The following EML6 variants were observed in gnomAD, a reference collection of about 807,000 sequenced individuals.
EML6 encodes echinoderm microtubule-associated protein-like 6.
A neutral mutation model predicts 240.1 loss-of-function variants in EML6; 154 were observed. The observed-to-expected ratio is 0.64, with a 90% CI of 0.56 to 0.73. The LOEUF (loss-of-function observed/expected upper bound fraction) is 0.73. Among genes scored for constraint, EML6 ranks in the 30% least tolerant of loss-of-function variants. The pLI, the probability that EML6 is intolerant of heterozygous loss-of-function variation, is 0.00. For synonymous variants in EML6, 1,148 were observed against 899.0 expected, an observed-to-expected ratio of 1.28 and a Z score of -4.95; for missense variants, 2,964 against 2,474.6, an observed-to-expected ratio of 1.20 and a Z score of -4.20.
chr2:54,961,184 G>GTTGTTTTTTTTTTTTTTTTTGTTTT, intron 35 of EML6, among the ~76,000 whole-genome samples: 4 of 55,424 alleles, frequency 7.2e-5, no homozygotes, highest in South Asian at 6.9e-4. Flanking sequence ...TCAGGAAGTA[G>GTTGTTTTTTTTTTTTTTTTTGTTTT]TTTTTTTTTT....
intron 24 of EML6, among the ~76,000 whole-genome samples, chr2:54,904,957 C>T (rs970688869): frequency 6.6e-6 from 1 of 152,154 alleles, no homozygotes; most frequent in African/African-American, 2.4e-5. Context: ...GACTTTATTT[C>T]AGCTTTACAA....
intron 5 of EML6, among the ~76,000 whole-genome samples, chr2:54,827,182 T>C (rs574748230): frequency 7.2e-4 from 109 of 152,330 alleles, no homozygotes; most frequent in African/African-American, 2.5e-3. Context: ...TTTATACTTA[T>C]CTGTGTTTCT....
intron 16 of EML6, among the ~76,000 whole-genome samples, chr2:54,876,062 C>G (rs896363752): frequency 2.0e-5 from 3 of 152,046 alleles, no homozygotes; most frequent in Admixed American, 6.6e-5. Flanking sequence ...CATTAAATGC[C>G]TTCATATTAT....
At chr2:54,854,299 G>A (rs999262955) in intron 11 of EML6, among the ~76,000 whole-genome samples, 6 of 152,084 alleles carry the variant, frequency 3.9e-5, no homozygotes, top group African/African-American at 1.2e-4. Flanking sequence ...TGGACCTCTC[G>A]TCATAGCAGT....
intron 21 of EML6, among the ~76,000 whole-genome samples, chr2:54,898,400 G>T (rs1030489668): frequency 5.9e-5 from 9 of 152,148 alleles, no homozygotes; most frequent in African/African-American, 2.2e-4. Context: ...AGCAGAGTCA[G>T]TCTGGGAAGA....
Position 54,827,763 on chromosome 2 carries a change from C to A in EML6, c.711+12C>A, listed in dbSNP as rs1388190592. ...AAGGAGCACATAGTGTAAGTATTACCTTGTGGAAATCTGTGGGTGACCTAC... is the reference window on the plus strand; with the variant it reads ...AAGGAGCACATAGTGTAAGTATTACATTGTGGAAATCTGTGGGTGACCTAC... On this transcript the variant is annotated intron_variant, in intron 6 of 41. Transcript: ENST00000356458. 1.3e-6 allele frequency: 2 copies of A among 1,541,834 alleles called. No individual in the cohort carries two copies. The highest frequency in any genetic ancestry group is 2.5e-5 in the East Asian group (1 of 40,788).
intron 9 of EML6, among the ~76,000 whole-genome samples, chr2:54,848,184 C>T (rs540353267): frequency 6.6e-6 from 1 of 152,234 alleles, no homozygotes; most frequent in South Asian, 2.1e-4. Flanking sequence ...GGAATATTTC[C>T]TATTTACTGA....
At chr2:54,893,334 C>T (rs1672579182) in intron 19 of EML6, among the ~76,000 whole-genome samples, 2 of 152,010 alleles carry the variant, frequency 1.3e-5, no homozygotes. Context: ...CTGGGAAGTC[C>T]AAGAGTAAGG....
chr2:54,797,114 G>A (rs991979259), intron 2 of EML6, among the ~76,000 whole-genome samples: 11 of 136,444 alleles, frequency 8.1e-5, no homozygotes, highest in South Asian at 2.4e-4. Context: ...GCAGTGAGCC[G>A]AGATCGTGCC....
chr2:54,925,758 A>G (rs1348419934), intron 26 of EML6, among the ~76,000 whole-genome samples: 1 of 152,192 alleles, frequency 6.6e-6, no homozygotes, highest in Admixed American at 6.5e-5. Flanking sequence ...TAAACCATGG[A>G]CCAGAAAACC....
At chr2:54,823,878 T>TCTCTCTCTCTCTCTCTG (rs60937620) in intron 5 of EML6, among the ~76,000 whole-genome samples, 61 of 129,122 alleles carry the variant, frequency 4.7e-4, no homozygotes, top group African/African-American at 2.1e-3. Flanking sequence ...CTCTCTCTCT[T>TCTCTCTCTCTCTCTCTG]TCTGTCTCTC....
intron 25 of EML6, among the ~76,000 whole-genome samples, chr2:54,912,395 C>A (rs1041362856): frequency 6.6e-6 from 1 of 152,090 alleles, no homozygotes; most frequent in African/African-American, 2.4e-5. Context: ...ACTTTATACA[C>A]CTTTATTTTT....
chr2:54,827,829 C>G, intron 6 of EML6, 78 bp downstream of exon 6: 1 of 1,043,790 alleles, frequency 9.6e-7, no homozygotes, highest in Non-Finnish European at 1.4e-6. Flanking sequence ...GTATGTTTCC[C>G]TTCTTGCTTT....
At chr2:54,726,185 C>G (rs1057070506) in intron 2 of EML6, among the ~76,000 whole-genome samples, 1 of 152,188 alleles carries the variant, frequency 6.6e-6, no homozygotes, top group African/African-American at 2.4e-5. Context: ...GGAGCCTCAG[C>G]CCACAGGGAA....
At chr2:54,868,965 T>G (rs1671111750) in intron 14 of EML6, 1 of 465,676 alleles carries the variant, frequency 2.1e-6, no homozygotes, top group African/African-American at 2.0e-5. Flanking sequence ...GCTAACAGAT[T>G]CTGTTACAAT....
chr2:54,802,618 A>ACAC (rs1670216088), intron 2 of EML6, among the ~76,000 whole-genome samples: 1 of 139,946 alleles, frequency 7.1e-6, no homozygotes, highest in African/African-American at 2.7e-5. Flanking sequence ...ACCCTGTCTC[A>ACAC]TACTACTACT....
intron 13 of EML6, among the ~76,000 whole-genome samples, chr2:54,865,698 A>T (rs1367858474): frequency 6.6e-6 from 1 of 152,220 alleles, no homozygotes; most frequent in Non-Finnish European, 1.5e-5. Flanking sequence ...AAAAATCTGA[A>T]ATCCAAAACA....
chr2:54,811,516 C>T (rs1667842858), intron 2 of EML6, among the ~76,000 whole-genome samples: 1 of 152,148 alleles, frequency 6.6e-6, no homozygotes, highest in African/African-American at 2.4e-5. Context: ...TGTATATTGA[C>T]ATATCGTGAT....
intron 28 of EML6, among the ~76,000 whole-genome samples, chr2:54,945,020 C>CCCTCCTTCCCT (rs1675610591): frequency 1.6e-5 from 2 of 127,204 alleles, no homozygotes; most frequent in Non-Finnish European, 3.4e-5. Flanking sequence ...CTCCCTACCC[C>CCCTCCTTCCCT]CCTCCTTCCC....
Sources: allele counts gnomAD v4.1 joint callset (sites outside exome capture counted in the v4.1 genomes callset), GRCh38; gene constraint gnomAD v4.1.1; transcripts MANE v1.5; gene names NCBI Gene and HGNC (gene_info 2026-07-23, HGNC 2026-07-21).